PCNT: variants seen among roughly 807,000 people sequenced by gnomAD.
The protein encoded by PCNT is kendrin.
PCNT carries 319 observed loss-of-function variants against 380.4 expected under a neutral mutation model. The observed-to-expected ratio is 0.84, with a 90% confidence interval of 0.77 to 0.92. The LOEUF (loss-of-function observed/expected upper bound fraction) is 0.92. Ranked by LOEUF, PCNT falls within the 40% of genes least tolerant of loss-of-function variation. The pLI, the probability that PCNT is intolerant of heterozygous loss-of-function variation, is 0.00. For synonymous variants in PCNT, 1,845 were observed against 1,735.2 expected (o/e 1.06, Z -1.57); for missense variants, 4,400 against 4,255.3 (o/e 1.03, Z -0.95).
In PCNT at chr21:46,421,993, A is replaced by G. The variant is rs2147850519; in HGVS notation, c.7048A>G (p.Arg2350Gly). 6.2e-7 allele frequency: 1 copy of G among 1,614,120 alleles called. No individual in the cohort carries two copies. The highest frequency in any genetic ancestry group is 2.2e-5 in the East Asian group (1 of 44,862). Residue 2350 changes from arginine to glycine, a missense_variant, in exon 32 of 47, where the codon AGA becomes GGA. By Grantham distance (125) the Arg-to-Gly change is moderately radical. Coordinates refer to ENST00000359568, the MANE Select transcript of PCNT (RefSeq NM_006031.6). The stretch of plus-strand genomic sequence containing the variant: ...AGGTGACGGCTCGGGTTTTGGAGCA[A>G]GACTGAGCCCGGGGTCAGGAGGCCC... ...EKSDGSGFGA[R>G]LSPGSGGPEA...
In PCNT at chr21:46,412,806, T is replaced by C. The variant is rs1372852613; in HGVS notation, c.5995-31T>C. ...GCAGCCCCAGCAACAGCCTCCTGCA[T>C]GCTCAGCTTTCCTCTGTCTCCTCTG... On this transcript the variant is annotated intron_variant, in intron 28 of 46. Coordinates refer to ENST00000359568, the MANE Select transcript of PCNT (RefSeq NM_006031.6). 4 of 1,607,064 alleles carry C rather than the reference T, an allele frequency of 2.5e-6. No individual in the cohort carries two copies. The African/African-American group carries it at 5.3e-5, about 21-fold the overall frequency.
At chr21:46,338,626 C>T (rs561169058) in intron 3 of PCNT, among the ~76,000 whole-genome samples, 29 of 137,136 alleles carry the variant, frequency 2.1e-4, no homozygotes, top group African/African-American at 5.8e-4. Context: ...TTTTTTGAGA[C>T]GGAGTTTTGC....
At chr21:46,361,303 A>G (rs1041839823) in intron 13 of PCNT, among the ~76,000 whole-genome samples, 1 of 152,244 alleles carries the variant, frequency 6.6e-6, no homozygotes, top group Non-Finnish European at 1.5e-5. Flanking sequence ...AGGCAGGAGA[A>G]TCGCTTGAAA....
At chr21:46,440,241 T>C in intron 42 of PCNT, 39 bp downstream of exon 42, 1 of 1,611,256 alleles carries the variant, frequency 6.2e-7, no homozygotes, top group East Asian at 2.2e-5. Context: ...TTGGTGCTTT[T>C]TTAAGTCCTG....
intron 15 of PCNT, among the ~76,000 whole-genome samples, chr21:46,380,382 G>A (rs760224021): frequency 1.1e-4 from 17 of 151,718 alleles, no homozygotes; most frequent in Non-Finnish European, 1.8e-4. Flanking sequence ...GGATGGTCTC[G>A]ATCTCCTGAC....
In PCNT at chr21:46,385,870, A is replaced by ATCTTCT. The variant is rs1362216358; in HGVS notation, c.3351_3352insTCTTCT (p.Glu1117_Glu1118insSerSer). 1 of 1,614,066 alleles carries ATCTTCT rather than the reference A, an allele frequency of 6.2e-7. No individual in the cohort carries two copies. The highest frequency in any genetic ancestry group is 8.5e-7 in the Non-Finnish European group (1 of 1,179,982). Reference sequence around the variant, plus strand: ...TTTTATCCTTAAGTCACGAGATAGAAGAGTGCCGCTCCGAGTTGGAGGTGC... The same window carrying ATCTTCT: ...TTTTATCCTTAAGTCACGAGATAGAATCTTCTGAGTGCCGCTCCGAGTTGGAGGTGC... On this transcript the variant is annotated inframe_insertion, in exon 17 of 47. Coordinates refer to ENST00000359568, the MANE Select transcript of PCNT (RefSeq NM_006031.6).
intron 35 of PCNT, among the ~76,000 whole-genome samples, chr21:46,428,825 C>A (rs2147944911): frequency 6.6e-6 from 1 of 152,198 alleles, no homozygotes; most frequent in Admixed American, 6.5e-5. Flanking sequence ...GCAAGAGGGG[C>A]CTGGGTTGGG....
chr21:46,387,300 A>C (rs2085871341), intron 17 of PCNT, among the ~76,000 whole-genome samples: 1 of 152,192 alleles, frequency 6.6e-6, no homozygotes, highest in Admixed American at 6.5e-5. Context: ...CTTCTGTAGC[A>C]CTTGGCTGTG....
At chr21:46,379,815 C>T (rs2085452364) in intron 15 of PCNT, among the ~76,000 whole-genome samples, 1 of 152,176 alleles carries the variant, frequency 6.6e-6, no homozygotes, top group Non-Finnish European at 1.5e-5. Flanking sequence ...GCTGAGGGCC[C>T]TGCGTGCATT....
At position 46,389,286 on chromosome 21, in the gene PCNT, C is replaced by A. The variant is rs1324628208; in HGVS notation, c.3695C>A (p.Ala1232Asp). 1 of 1,614,126 alleles carries A rather than the reference C, an allele frequency of 6.2e-7. No individual in the cohort carries two copies. Among genetic ancestry groups the A allele is most frequent in the Admixed American group, 1.7e-5 (1 of 60,016 alleles). Residue 1232 changes from alanine to aspartate, a missense_variant, in exon 19 of 47, where the codon GCT becomes GAT. By Grantham distance (126) the Ala-to-Asp change is moderately radical. Coordinates refer to ENST00000359568, the MANE Select transcript of PCNT (RefSeq NM_006031.6). ...GAATGTGCAGAGATGTCTTCCGTGGCTGAAATTAGCAGCCACATGCGTGAA... is the reference window on the plus strand; with the variant it reads ...GAATGTGCAGAGATGTCTTCCGTGGATGAAATTAGCAGCCACATGCGTGAA... Reference protein sequence around the residue: ...LSECAEMSSVAEISSHMRESF... With the variant: ...LSECAEMSSVDEISSHMRESF...
chr21:46,438,124 T>A, intron 40 of PCNT, 40 bp from the exon 41 acceptor site: 1 of 1,548,024 alleles, frequency 6.5e-7, no homozygotes, highest in Non-Finnish European at 8.9e-7. Context: ...TCATGCCCTT[T>A]AACAACAAAT....
intron 6 of PCNT, among the ~76,000 whole-genome samples, chr21:46,348,600 G>C (rs1337320503): frequency 1.3e-5 from 2 of 152,126 alleles, no homozygotes; most frequent in African/African-American, 4.8e-5. Context: ...CAGTTTAGTT[G>C]GGGGCCATGA....
rs1569239558 is a variant in PCNT at position 46,389,346 on chromosome 21, G to A, written c.3755G>A (p.Cys1252Tyr). 2 of 1,614,254 alleles carry A rather than the reference G, an allele frequency of 1.2e-6. No homozygotes were observed. The highest frequency in any genetic ancestry group is 2.2e-5 in the East Asian group (1 of 44,870). Reference protein sequence around the residue: ...FLMSPESVRECEQPIRRVFQS... With the variant: ...FLMSPESVREYEQPIRRVFQS... ...ATGAGCCCAGAAAGTGTGCGGGAGT[G>A]TGAGCAGCCCATCCGGAGGGTCTTC... Residue 1252 changes from cysteine (C) to tyrosine (Y), a missense_variant, in exon 19 of 47, where the codon TGT (cysteine) becomes TAT (tyrosine). By Grantham distance (194) the Cys-to-Tyr change is radical. Coordinates refer to ENST00000359568, the MANE Select transcript of PCNT (RefSeq NM_006031.6).
rs11331073 is a variant in PCNT, at chr21:46,398,820, CTT to C, written c.4584+581_4584+582del. Among the ~76,000 whole-genome samples the C allele has an allele frequency of 2.2e-3, 248 of 114,538 alleles. 1 individual carries two copies. The highest frequency in any genetic ancestry group is 5.3e-3 in the African/African-American group (163 of 30,826). 75.1% of individuals were successfully genotyped at this position (114,538 alleles called of 152,430 possible). A position where few individuals can be genotyped will look rare whatever the true frequency, so the allele number is the denominator to read the frequency against. On this transcript the variant is annotated intron_variant, in intron 24 of 46. Coordinates refer to ENST00000359568, the MANE Select transcript of PCNT (RefSeq NM_006031.6). ...TATTCCATTCTTTTTTTTTCTTTTT[CTT>C]TTTTTTTTTTTTTTTGAGTTGGAGT...
intron 17 of PCNT, among the ~76,000 whole-genome samples, chr21:46,387,581 G>A (rs1750862674): frequency 6.6e-6 from 1 of 152,128 alleles, no homozygotes; most frequent in African/African-American, 2.4e-5. Flanking sequence ...CATTTTGGGG[G>A]GTGGAAGTGT....
At chr21:46,339,353 T>C (rs549007876) in intron 3 of PCNT, among the ~76,000 whole-genome samples, 1 of 152,326 alleles carries the variant, frequency 6.6e-6, no homozygotes, top group East Asian at 1.9e-4. Flanking sequence ...CTTTTGTCTT[T>C]GGTGTTCTGC....
rs2053479140 is a variant in PCNT at position 46,437,077 on chromosome 21, C to T, written c.9095C>T (p.Ser3032Phe). The T allele has an allele frequency of 1.9e-6, 3 of 1,612,414 alleles. No individual in the cohort carries two copies. The highest frequency in any genetic ancestry group is 1.1e-5 in the South Asian group (1 of 91,030). The part of the protein sequence containing the change: ...LKSDLSRPTS[S>F]QKKMAAELQF... ...TCTGACTTGAGCAGGCCCACCTCCT[C>T]CCAGGTAAGGGGTGAGCGCCCCCAG... The change falls in exon 40 of 47, where the codon TCC becomes TTC. Residue 3032 changes from serine to phenylalanine, a missense_variant. Ser to Phe is a radical substitution (Grantham distance 155). Transcript: ENST00000359568.
At chr21:46,400,107 A>G (rs1316382011) in intron 25 of PCNT, among the ~76,000 whole-genome samples, 1 of 152,268 alleles carries the variant, frequency 6.6e-6, no homozygotes, top group Non-Finnish European at 1.5e-5. Context: ...GTTTAAAAAA[A>G]TCTTAGCTTA....
At chr21:46,435,095 C>T (rs1440099446) in intron 38 of PCNT, among the ~76,000 whole-genome samples, 4 of 152,220 alleles carry the variant, frequency 2.6e-5, no homozygotes, top group Admixed American at 6.5e-5. Context: ...TGCAGTGTGT[C>T]AGCTGTGGGT....
Sources: gnomAD v4.1 joint callset for allele counts (sites outside exome capture counted in the v4.1 genomes callset) on GRCh38, gnomAD v4.1.1 for gene constraint, MANE v1.5 for transcripts, NCBI Gene and HGNC (gene_info 2026-07-23, HGNC 2026-07-21) for gene names.